Variants in GPALPP1 observed in about 807,000 individuals in gnomAD.
The protein encoded by GPALPP1 is GPALPP motifs containing 1.
GPALPP1 carries 30 observed loss-of-function variants against 38.9 expected under a neutral mutation model. The observed-to-expected ratio is 0.77, with a 90% CI of 0.58 to 1.05. The LOEUF is 1.05. GPALPP1 is among the 50% of genes least tolerant of loss of function. The probability of loss-of-function intolerance (pLI) is 0.00; values close to 1 mark genes in which losing one functional copy is unlikely to be tolerated. For missense variants in GPALPP1, 384 were observed against 408.8 expected, an observed-to-expected ratio of 0.94 and a Z score of 0.52; for synonymous variants, 120 against 139.2, an observed-to-expected ratio of 0.86 and a Z score of 0.97.
chr13:44,998,461 A>G (rs974875693), intron 1 of GPALPP1, among the ~76,000 whole-genome samples: 1 of 152,068 alleles, frequency 6.6e-6, no homozygotes, highest in African/African-American at 2.4e-5. Context: ...CTTCCTTTTC[A>G]GTCCTAGTCT....
intron 7 of GPALPP1, among the ~76,000 whole-genome samples, chr13:45,026,166 A>T (rs912104041): frequency 7.9e-5 from 12 of 152,184 alleles, no homozygotes; most frequent in African/African-American, 2.7e-4. Context: ...TTGATTTGCT[A>T]ATCAGTTTGT....
At chr13:45,034,902 AT>A (rs934665080), downstream of GPALPP1, 1 of 139,398 alleles carries the variant, frequency 7.2e-6, no homozygotes, top group Non-Finnish European at 1.5e-5. Flanking sequence ...CACCCGGCTG[AT>A]TTCTGTATTT....
intron 3 of GPALPP1, among the ~76,000 whole-genome samples, chr13:45,007,593 T>C (rs1874190098): frequency 6.6e-6 from 1 of 152,252 alleles, no homozygotes; most frequent in African/African-American, 2.4e-5. Flanking sequence ...TCCCTGTCTT[T>C]CATAAGCAAA....
chr13:45,019,002 C>T (rs1379453389), intron 6 of GPALPP1, among the ~76,000 whole-genome samples: 1 of 56,766 alleles, frequency 1.8e-5, no homozygotes, highest in Admixed American at 2.4e-4. Flanking sequence ...AATATATATA[C>T]ATATAAATAT....
chr13:45,014,262 T>C (rs907006838), intron 4 of GPALPP1, among the ~76,000 whole-genome samples: 3 of 152,226 alleles, frequency 2.0e-5, no homozygotes, highest in African/African-American at 7.2e-5. Context: ...TCACCAAATA[T>C]TTATATCTGT....
intron 4 of GPALPP1, among the ~76,000 whole-genome samples, chr13:45,009,528 C>A (rs1311796586): frequency 6.6e-6 from 1 of 152,090 alleles, no homozygotes; most frequent in Non-Finnish European, 1.5e-5. Context: ...GGGTACCTTA[C>A]CCAAGATTAC....
intron 4 of GPALPP1, among the ~76,000 whole-genome samples, chr13:45,012,837 G>A (rs1474634032): frequency 2.0e-5 from 3 of 151,850 alleles, no homozygotes; most frequent in African/African-American, 7.3e-5. Context: ...CCTCATTCCC[G>A]GCATATACCC....
intron 1 of GPALPP1, among the ~76,000 whole-genome samples, chr13:44,995,673 C>T (rs1318838055): frequency 1.3e-5 from 2 of 152,148 alleles, no homozygotes; most frequent in South Asian, 4.1e-4. Context: ...CCAAGCAAAC[C>T]AGCACAATTG....
chr13:45,033,728 A>C (rs1876309987), downstream of GPALPP1: 2 of 151,268 alleles, frequency 1.3e-5, no homozygotes. Flanking sequence ...AGGCTATTGT[A>C]AAAAACAACA....
At chr13:45,032,464 G>A (rs1211194009), downstream of GPALPP1, among the ~76,000 whole-genome samples, 4 of 151,882 alleles carry the variant, frequency 2.6e-5, no homozygotes, top group African/African-American at 9.7e-5. Context: ...GGAGTGCAGT[G>A]GCGTGATCTC....
At position 45,006,244 on chromosome 13, in the gene GPALPP1, TG is replaced by T; in HGVS notation, c.267del (p.Phe91LeufsTer20). ...AGGATGATGACGATGATGATGATGATGGGTTTTTTGGACCAGCCCTTCCTCC... is the reference window on the plus strand; with the variant it reads ...AGGATGATGACGATGATGATGATGATGGTTTTTTGGACCAGCCCTTCCTCC... The part of the protein sequence containing the change: ...NQDDDDDDDD[G>X]FFGPALPPGF... On this transcript the variant is annotated frameshift_variant, in exon 3 of 8. Transcript: ENST00000379151. LOFTEE classifies it high-confidence loss of function. The T allele has an allele frequency of 6.2e-7, 1 of 1,610,986 alleles. No homozygotes were observed. The highest frequency in any genetic ancestry group is 1.1e-5 in the South Asian group (1 of 90,716).
At chr13:45,014,692 G>C (rs1179685832) in intron 4 of GPALPP1, among the ~76,000 whole-genome samples, 9 of 152,180 alleles carry the variant, frequency 5.9e-5, no homozygotes, top group Non-Finnish European at 1.3e-4. Context: ...TTCAGGAAGA[G>C]AGTGAGGTCT....
intron 7 of GPALPP1, among the ~76,000 whole-genome samples, chr13:45,021,224 T>C (rs936765426): frequency 2.0e-5 from 3 of 152,222 alleles, no homozygotes; most frequent in African/African-American, 7.2e-5. Flanking sequence ...GAAAGGTGTT[T>C]AGGAAAATTA....
intron 4 of GPALPP1, among the ~76,000 whole-genome samples, chr13:45,009,629 T>C (rs1874337357): frequency 6.6e-6 from 1 of 152,216 alleles, no homozygotes; most frequent in South Asian, 2.1e-4. Flanking sequence ...TGCCTTCCTA[T>C]GTATGAATTC....
intron 2 of GPALPP1, among the ~76,000 whole-genome samples, chr13:45,005,851 C>A: frequency 6.6e-6 from 1 of 151,866 alleles, no homozygotes; most frequent in East Asian, 1.9e-4. Flanking sequence ...ATGGTGAAAC[C>A]CCGTCTCTAC....
rs923817375 is a variant in GPALPP1 at position 44,991,928 on chromosome 13, CAG to C, written c.88+2188_88+2189del. On this transcript the variant is annotated intron_variant, in intron 1 of 7. Coordinates refer to ENST00000379151, the MANE Select transcript of GPALPP1 (RefSeq NM_018559.5). ...GTTCATAATCTGGTCTTTAAACAAA[CAG>C]AATTATTATAGGTTGTTTCTTTACA... Among the ~76,000 whole-genome samples, 7 of 152,322 alleles carry C rather than the reference CAG, an allele frequency of 4.6e-5. No individual in the cohort carries two copies. The South Asian group carries it at 8.3e-4, about 18-fold the overall frequency.
At chr13:45,025,321 CA>C (rs2034540627) in intron 7 of GPALPP1, among the ~76,000 whole-genome samples, 1 of 152,104 alleles carries the variant, frequency 6.6e-6, no homozygotes, top group African/African-American at 2.4e-5. Context: ...GATCTGTTTA[CA>C]AAAAGTATTA....
At chr13:45,008,926 A>G (rs759167915) in intron 4 of GPALPP1, 47 bp downstream of exon 4, 49 of 1,086,534 alleles carry the variant, frequency 4.5e-5, no homozygotes, top group Non-Finnish European at 1.9e-5. Flanking sequence ...GTTTTCATTG[A>G]AAGAATAAGA....
chr13:45,000,947 T>C (rs913580534), intron 1 of GPALPP1, among the ~76,000 whole-genome samples: 6 of 152,182 alleles, frequency 3.9e-5, no homozygotes, highest in Non-Finnish European at 7.3e-5. Context: ...CCAAGAGAGA[T>C]AGGAAAAATT....
Sources: allele counts gnomAD v4.1 joint callset (sites outside exome capture counted in the v4.1 genomes callset), GRCh38; gene constraint gnomAD v4.1.1; transcripts MANE v1.5; gene names NCBI Gene and HGNC (gene_info 2026-07-23, HGNC 2026-07-21).